Variants in KIF26B observed in about 807,000 individuals in gnomAD.
KIF26B encodes kinesin family member 26B.
KIF26B carries 63 observed loss-of-function variants against 151.2 expected under a neutral mutation model. The observed-to-expected ratio is 0.42, with a 90% confidence interval of 0.34 to 0.51. The LOEUF (loss-of-function observed/expected upper bound fraction) is 0.51, where lower values mean the gene tolerates loss of function less well. KIF26B is among the 20% of genes least tolerant of loss of function. The pLI is 0.07. For synonymous variants in KIF26B, 1,357 were observed against 1,262.1 expected, an observed-to-expected ratio of 1.08 and a Z score of -1.59; for missense variants, 2,813 against 2,913.6, an observed-to-expected ratio of 0.97 and a Z score of 0.79.
chr1:245,270,306 CCCTTCCCCTCCTTCACTTCCTTT>C (rs879929352), intron 2 of KIF26B, among the ~76,000 whole-genome samples: 43,629 of 109,330 alleles, frequency 0.4, 11,774 homozygotes, highest in East Asian at 0.51. Flanking sequence ...CTTCCATCTT[CCCTTCCCCTCCTTCACTTCCTTT>C]TTCCTTTCCC....
intron 2 of KIF26B, among the ~76,000 whole-genome samples, chr1:245,314,669 G>A (rs989464952): frequency 1.3e-4 from 20 of 152,090 alleles, no homozygotes; most frequent in African/African-American, 4.3e-4. Flanking sequence ...TAGTCAGGAT[G>A]GTCATTTTCC....
intron 12 of KIF26B, among the ~76,000 whole-genome samples, chr1:245,695,881 G>A (rs1452389974): frequency 9.8e-6 from 1 of 102,114 alleles, no homozygotes; most frequent in East Asian, 2.3e-4. Context: ...CTCTCCAGGC[G>A]TTTTTACCTT....
At chr1:245,369,177 GA>G (rs1385309592) in intron 3 of KIF26B, among the ~76,000 whole-genome samples, 1 of 126,090 alleles carries the variant, frequency 7.9e-6, no homozygotes, top group Non-Finnish European at 1.6e-5. Flanking sequence ...GTGAGAGAGA[GA>G]GAGAGAGAGA....
intron 4 of KIF26B, among the ~76,000 whole-genome samples, chr1:245,434,987 C>CCATCCATT (rs1658871079): frequency 6.7e-6 from 1 of 149,542 alleles, no homozygotes; most frequent in African/African-American, 2.5e-5. Flanking sequence ...ATCCATCCAT[C>CCATCCATT]CATCCATCCA....
intron 4 of KIF26B, among the ~76,000 whole-genome samples, chr1:245,454,280 C>T (rs1659463436): frequency 6.6e-6 from 1 of 152,174 alleles, no homozygotes; most frequent in South Asian, 2.1e-4. Context: ...TCACGTAATA[C>T]AGCAGCACTT....
intron 9 of KIF26B, among the ~76,000 whole-genome samples, chr1:245,630,149 T>A (rs1378006395): frequency 1.3e-5 from 2 of 151,338 alleles, no homozygotes; most frequent in African/African-American, 4.8e-5. Context: ...GTAAATTAGT[T>A]CAACTTCTGT....
At position 245,662,527 on chromosome 1, in the gene KIF26B, C is replaced by A. The variant is rs1045891692; in HGVS notation, c.2258+16247C>A. Among the ~76,000 whole-genome samples, 320 of 143,202 alleles carry A rather than the reference C, an allele frequency of 2.2e-3. 5 individuals are homozygous for A. Among genetic ancestry groups the A allele is most frequent in the African/African-American group, 7.9e-3 (302 of 38,200 alleles). 93.9% of individuals were successfully genotyped at this position (143,202 alleles called of 152,430 possible). ...CACCCAATGATATATATACACACAC[C>A]CCCAATATATATACACACCCAATGA... On this transcript the variant is annotated intron_variant, in intron 10 of 14. Coordinates refer to ENST00000407071, the MANE Select transcript of KIF26B (RefSeq NM_018012.4).
intron 4 of KIF26B, among the ~76,000 whole-genome samples, chr1:245,446,888 G>A (rs923135202): frequency 1.3e-5 from 2 of 152,156 alleles, no homozygotes; most frequent in African/African-American, 4.8e-5. Context: ...CATTGCTGTG[G>A]GTCCTGAAAG....
At chr1:245,323,604 T>G (rs1288767860) in intron 2 of KIF26B, among the ~76,000 whole-genome samples, 1 of 152,190 alleles carries the variant, frequency 6.6e-6, no homozygotes, top group Admixed American at 6.5e-5. Context: ...AAGGTTCTCC[T>G]CAGAACAGTG....
rs539421305 is a variant in KIF26B, at chr1:245,671,652, A to C, written c.2259-12581A>C. On this transcript the variant is annotated intron_variant, in intron 10 of 14. Transcript: ENST00000407071. ...TTTATGTATATTTCACCACAATAAA[A>C]ATAGGAAAAGGCAGGTGATTTCTAA... is the stretch of plus-strand genomic sequence containing the variant. 3.3e-4 allele frequency among the ~76,000 whole-genome samples: 50 copies of C among 152,348 alleles called. No individual in the cohort carries two copies. The South Asian group carries it at 9.7e-3, about 30-fold the overall frequency.
At chr1:245,693,822 C>T (rs377339524) in intron 12 of KIF26B, among the ~76,000 whole-genome samples, 1 of 152,212 alleles carries the variant, frequency 6.6e-6, no homozygotes, top group East Asian at 1.9e-4. Flanking sequence ...ACAGTGATCA[C>T]TGGCTTAATG....
intron 4 of KIF26B, among the ~76,000 whole-genome samples, chr1:245,453,995 C>T (rs1399578018): frequency 2.0e-5 from 3 of 152,094 alleles, no homozygotes; most frequent in East Asian, 1.9e-4. Context: ...CTGGGAAGGG[C>T]GGGTTTCAAT....
At chr1:245,699,686 C>T (rs985569163) in intron 14 of KIF26B, among the ~76,000 whole-genome samples, 5 of 152,198 alleles carry the variant, frequency 3.3e-5, no homozygotes, top group Admixed American at 6.5e-5. Flanking sequence ...AGCTATTACA[C>T]GGATATAGGA....
intron 4 of KIF26B, among the ~76,000 whole-genome samples, chr1:245,537,463 C>T (rs968106475): frequency 1.3e-5 from 2 of 152,174 alleles, no homozygotes; most frequent in Non-Finnish European, 2.9e-5. Context: ...AAAAGAGTTA[C>T]TCTGGCTCCT....
intron 2 of KIF26B, among the ~76,000 whole-genome samples, chr1:245,163,936 A>G (rs1448685130): frequency 2.0e-5 from 3 of 152,178 alleles, no homozygotes; most frequent in Non-Finnish European, 2.9e-5. Flanking sequence ...TCAAATACAG[A>G]TATCATTACT....
At chr1:245,569,921 T>C (rs1048846460) in intron 5 of KIF26B, among the ~76,000 whole-genome samples, 6 of 140,082 alleles carry the variant, frequency 4.3e-5, no homozygotes, top group African/African-American at 1.6e-4. Flanking sequence ...ACGTTGTAAA[T>C]AGAGAATTTT....
intron 2 of KIF26B, among the ~76,000 whole-genome samples, chr1:245,198,717 A>G (rs1573702973): frequency 1.4e-5 from 2 of 144,116 alleles, no homozygotes; most frequent in South Asian, 2.3e-4. Context: ...ATAGAGAGAG[A>G]CTCCGTCTCA....
chr1:245,270,793 T>C (rs1302912192), intron 2 of KIF26B, among the ~76,000 whole-genome samples: 2 of 152,246 alleles, frequency 1.3e-5, no homozygotes, highest in Admixed American at 6.5e-5. Context: ...CTCACTTGTC[T>C]ATTTTTGCTT....
At chr1:245,252,886 A>G (rs1223595582) in intron 2 of KIF26B, among the ~76,000 whole-genome samples, 2 of 152,100 alleles carry the variant, frequency 1.3e-5, no homozygotes, top group African/African-American at 4.8e-5. Context: ...ATGGGTACAC[A>G]TGCTTTATCA....
Sources: allele counts gnomAD v4.1 joint callset (sites outside exome capture counted in the v4.1 genomes callset), GRCh38; gene constraint gnomAD v4.1.1; transcripts MANE v1.5; gene names NCBI Gene and HGNC (gene_info 2026-07-23, HGNC 2026-07-21).